GRAMD2B: variants seen among roughly 807,000 people sequenced by gnomAD.
GRAMD2B encodes GRAM domain containing 2B, also known as GRAM domain-containing protein 2B.
In GRAMD2B, 41 loss-of-function variants were observed where a neutral mutation model predicts 59.2. The observed-to-expected ratio is 0.69, with a 90% CI of 0.54 to 0.90. GRAMD2B has a LOEUF of 0.90. GRAMD2B is among the 40% of genes least tolerant of loss of function. The pLI, the probability that GRAMD2B is intolerant of heterozygous loss-of-function variation, is 0.00. For missense variants in GRAMD2B, 424 were observed against 500.5 expected (o/e 0.85, Z 1.46); for synonymous variants, 161 against 182.7 (o/e 0.88, Z 0.96).
chr5:126,435,542 T>A (rs1311561428), intron 1 of GRAMD2B, among the ~76,000 whole-genome samples: 1 of 152,178 alleles, frequency 6.6e-6, no homozygotes, highest in East Asian at 1.9e-4. Flanking sequence ...TCTTTCCTTC[T>A]TTTCCGGCTT....
intron 1 of GRAMD2B, among the ~76,000 whole-genome samples, chr5:126,442,659 C>T (rs960996659): frequency 6.6e-6 from 1 of 152,024 alleles, no homozygotes; most frequent in Non-Finnish European, 1.5e-5. Context: ...TCTGTGAGCC[C>T]CCTGCTTAAA....
chr5:126,396,357 T>G (rs970233106), intron 1 of GRAMD2B, among the ~76,000 whole-genome samples: 4 of 152,254 alleles, frequency 2.6e-5, no homozygotes, highest in Admixed American at 2.6e-4. Context: ...AGCCCCGGTG[T>G]GTGTGTTTCC....
intron 1 of GRAMD2B, among the ~76,000 whole-genome samples, chr5:126,401,561 A>G (rs1012734459): frequency 3.3e-5 from 5 of 152,040 alleles, no homozygotes; most frequent in African/African-American, 1.2e-4. Context: ...TTGAAGAATC[A>G]GTTAGCTCCT....
intron 1 of GRAMD2B, 103 bp from the exon 2 acceptor site, chr5:126,465,323 T>G: frequency 6.3e-7 from 1 of 1,576,288 alleles, no homozygotes; most frequent in Non-Finnish European, 8.6e-7. Context: ...CAGTGAGGAA[T>G]GAAAATCATT....
At chr5:126,465,788 A>G (rs915281515) in intron 2 of GRAMD2B, among the ~76,000 whole-genome samples, 19 of 152,210 alleles carry the variant, frequency 1.2e-4, no homozygotes, top group Admixed American at 1.2e-3. Flanking sequence ...TGATGAGGCC[A>G]GGGTGGACCC....
At chr5:126,458,828 A>C (rs1454645118) in intron 1 of GRAMD2B, 2 of 151,086 alleles carry the variant, frequency 1.3e-5, no homozygotes, top group Admixed American at 6.6e-5. Flanking sequence ...CTTCTCACCC[A>C]CTCCTCCTGT....
chr5:126,391,650 G>A (rs1756797547), intron 1 of GRAMD2B, among the ~76,000 whole-genome samples: 1 of 152,188 alleles, frequency 6.6e-6, no homozygotes, highest in Non-Finnish European at 1.5e-5. Context: ...CAACACAAAT[G>A]AAAGAAGCTA....
chr5:126,477,450 C>T (rs2126875224), intron 5 of GRAMD2B, among the ~76,000 whole-genome samples: 1 of 152,300 alleles, frequency 6.6e-6, no homozygotes, highest in South Asian at 2.1e-4. Flanking sequence ...ACGTTTCCCA[C>T]CAAGATCTTC....
At chr5:126,471,137 AGTTTT>A (rs1172252179) in intron 3 of GRAMD2B, among the ~76,000 whole-genome samples, 3 of 152,170 alleles carry the variant, frequency 2.0e-5, no homozygotes, top group Admixed American at 1.3e-4. Context: ...AAACAGGGCC[AGTTTT>A]GCCATTGAGA....
intron 1 of GRAMD2B, among the ~76,000 whole-genome samples, chr5:126,394,820 G>T (rs1757217244): frequency 6.6e-6 from 1 of 152,154 alleles, no homozygotes; most frequent in African/African-American, 2.4e-5. Flanking sequence ...TTAAATAAAA[G>T]CCATGGGTTT....
chr5:126,459,293 G>T (rs1330895887), intron 1 of GRAMD2B, among the ~76,000 whole-genome samples: 2 of 151,278 alleles, frequency 1.3e-5, no homozygotes, highest in African/African-American at 4.9e-5. Flanking sequence ...ACTTTTTTTT[G>T]AAATGGGGTC....
upstream of GRAMD2B, among the ~76,000 whole-genome samples, chr5:126,370,923 C>T (rs1754716614): frequency 6.6e-6 from 1 of 152,336 alleles, no homozygotes. Flanking sequence ...AGGAATGCAG[C>T]CTTAAAACTG....
chr5:126,379,637 T>C (rs1192836057), intron 1 of GRAMD2B, among the ~76,000 whole-genome samples: 1 of 152,224 alleles, frequency 6.6e-6, no homozygotes, highest in African/African-American at 2.4e-5. Context: ...TGGTTTTGAT[T>C]CACATTTCCC....
At chr5:126,475,331 G>A (rs948022601) in intron 5 of GRAMD2B, among the ~76,000 whole-genome samples, 1 of 152,106 alleles carries the variant, frequency 6.6e-6, no homozygotes, top group African/African-American at 2.4e-5. Context: ...CTTCTTAAGG[G>A]TGTTCCATGC....
chr5:126,406,657 T>A (rs1213485678), intron 1 of GRAMD2B, among the ~76,000 whole-genome samples: 1 of 151,972 alleles, frequency 6.6e-6, no homozygotes, highest in Non-Finnish European at 1.5e-5. Flanking sequence ...AGAGCTTACT[T>A]ATTGGAGGTT....
At chr5:126,472,135 T>C in intron 3 of GRAMD2B, 103 bp from the exon 4 acceptor site, 1 of 838,312 alleles carries the variant, frequency 1.2e-6, no homozygotes, top group South Asian at 1.5e-5. Flanking sequence ...AAGGAATTCC[T>C]AAAGATACTA....
At chr5:126,481,323 G>A (rs961503066) in intron 8 of GRAMD2B, among the ~76,000 whole-genome samples, 2 of 151,948 alleles carry the variant, frequency 1.3e-5, no homozygotes, top group African/African-American at 2.4e-5. Flanking sequence ...TTTGTAAACC[G>A]TAGAGTAAAT....
chr5:126,461,473 T>A (rs1330720801), intron 1 of GRAMD2B, among the ~76,000 whole-genome samples: 3 of 152,194 alleles, frequency 2.0e-5, no homozygotes, highest in African/African-American at 7.2e-5. Flanking sequence ...CAGTGTTTTA[T>A]TGAAACAAGA....
At chr5:126,400,411 A>T (rs1757721455) in intron 1 of GRAMD2B, among the ~76,000 whole-genome samples, 1 of 152,120 alleles carries the variant, frequency 6.6e-6, no homozygotes, top group African/African-American at 2.4e-5. Flanking sequence ...TCATGTATCT[A>T]TTAACAAATT....
Sources: gnomAD v4.1 joint callset for allele counts (sites outside exome capture counted in the v4.1 genomes callset) on GRCh38, gnomAD v4.1.1 for gene constraint, MANE v1.5 for transcripts, NCBI Gene and HGNC (gene_info 2026-07-23, HGNC 2026-07-21) for gene names.